SOX5: variants seen among roughly 807,000 people sequenced by gnomAD.
SOX5 encodes transcription factor SOX-5.
A neutral mutation model predicts 92.0 loss-of-function variants in SOX5; 9 were observed. The ratio of observed to expected loss-of-function variants is 0.10; its 90% confidence interval spans 0.06 to 0.17. SOX5 has a LOEUF of 0.17. Among genes scored for constraint, SOX5 ranks in the 10% least tolerant of loss-of-function variants. SOX5 has a pLI of 1.00. For missense variants in SOX5, 642 were observed against 944.5 expected (o/e 0.68, Z 4.20); for synonymous variants, 344 against 336.3 (o/e 1.02, Z -0.25).
chr12:23,962,221 AAC>A (rs869295566), intron 4 of SOX5, among the ~76,000 whole-genome samples: 2 of 134,698 alleles, frequency 1.5e-5, no homozygotes, highest in Non-Finnish European at 1.6e-5. Flanking sequence ...TTAAACAAAC[AAC>A]AAAAAAGACC....
At chr12:24,051,177 G>A (rs1309449803) in intron 4 of SOX5, among the ~76,000 whole-genome samples, 1 of 152,068 alleles carries the variant, frequency 6.6e-6, no homozygotes, top group East Asian at 1.9e-4. Context: ...CCAAATTCAA[G>A]GCACAGGTTG....
chr12:24,351,351 C>T (rs483684), intron 2 of SOX5, among the ~76,000 whole-genome samples: 50,970 of 152,042 alleles, frequency 0.34, 9,856 homozygotes, highest in East Asian at 0.78. Context: ...TGACCCAGAA[C>T]AGACACGTAA....
chr12:24,458,274 T>C (rs1218993573), intron 1 of SOX5, among the ~76,000 whole-genome samples: 2 of 152,226 alleles, frequency 1.3e-5, no homozygotes, highest in African/African-American at 4.8e-5. Flanking sequence ...CATTAATGCA[T>C]AAAATGATGA....
chr12:23,891,336 C>G (rs777285289), intron 2 of SOX5, among the ~76,000 whole-genome samples: 1 of 152,094 alleles, frequency 6.6e-6, no homozygotes, highest in African/African-American at 2.4e-5. Flanking sequence ...AACCTGAAAC[C>G]GAACAAAGCA....
At chr12:23,868,958 C>A (rs1169731196) in intron 2 of SOX5, among the ~76,000 whole-genome samples, 1 of 152,152 alleles carries the variant, frequency 6.6e-6, no homozygotes, top group East Asian at 1.9e-4. Flanking sequence ...CCCCCAGAAT[C>A]TGCCCTTCAT....
chr12:24,142,139 T>C (rs557662488), intron 4 of SOX5, among the ~76,000 whole-genome samples: 1 of 152,222 alleles, frequency 6.6e-6, no homozygotes, highest in African/African-American at 2.4e-5. Flanking sequence ...TCAACAGAGG[T>C]AGGTTTCCCC....
chr12:24,451,658 G>A (rs1263866253), intron 1 of SOX5, among the ~76,000 whole-genome samples: 1 of 152,136 alleles, frequency 6.6e-6, no homozygotes. Context: ...AAGAAGATGG[G>A]TTTTAGAAGT....
chr12:24,259,222 G>A (rs1362104936), intron 3 of SOX5, among the ~76,000 whole-genome samples: 4 of 152,230 alleles, frequency 2.6e-5, no homozygotes, highest in Admixed American at 6.5e-5. Flanking sequence ...GAAAGAGAGC[G>A]AGCGAGAGAG....
At chr12:24,177,751 AG>A (rs1259185286) in intron 4 of SOX5, among the ~76,000 whole-genome samples, 2 of 151,500 alleles carry the variant, frequency 1.3e-5, no homozygotes, top group African/African-American at 4.9e-5. Flanking sequence ...TAACACTCAC[AG>A]GGTCACTAGG....
At chr12:24,357,256 A>C (rs571048867) in intron 2 of SOX5, 18 of 152,304 alleles carry the variant, frequency 1.2e-4, no homozygotes, top group African/African-American at 4.3e-4. Context: ...AATATTTAAG[A>C]AATTTTTTTA....
At chr12:24,522,377 C>CA (rs1339743687) in intron 1 of SOX5, among the ~76,000 whole-genome samples, 1 of 151,466 alleles carries the variant, frequency 6.6e-6, no homozygotes, top group Non-Finnish European at 1.5e-5. Flanking sequence ...TAAACATTTC[C>CA]AAAAAATTGA....
intron 5 of SOX5, among the ~76,000 whole-genome samples, chr12:23,735,796 GTGTTTACTTCTA>G (rs1054283903): frequency 1.3e-5 from 2 of 152,202 alleles, no homozygotes; most frequent in African/African-American, 2.4e-5. Context: ...ACTGTTATTT[GTGTTTACTTCTA>G]CATTTACTTC....
chr12:24,376,117 A>G (rs540709862), intron 1 of SOX5, among the ~76,000 whole-genome samples: 1 of 152,348 alleles, frequency 6.6e-6, no homozygotes, highest in South Asian at 2.1e-4. Flanking sequence ...ACAATCTAAA[A>G]TCTAAAACTG....
chr12:24,444,884 T>C (rs1340808140), intron 1 of SOX5, among the ~76,000 whole-genome samples: 1 of 152,192 alleles, frequency 6.6e-6, no homozygotes, highest in East Asian at 1.9e-4. Context: ...GAGCCTTGCA[T>C]AAGCTATTGT....
At chr12:23,689,354 C>T (rs2088303818) in intron 6 of SOX5, among the ~76,000 whole-genome samples, 2 of 152,012 alleles carry the variant, frequency 1.3e-5, no homozygotes, top group African/African-American at 4.8e-5. Flanking sequence ...GATAGCTGCC[C>T]GCTGCTGAGC....
At chr12:24,482,680 G>C (rs1243547703) in intron 1 of SOX5, among the ~76,000 whole-genome samples, 1 of 152,100 alleles carries the variant, frequency 6.6e-6, no homozygotes, top group Non-Finnish European at 1.5e-5. Flanking sequence ...TATATTTCAG[G>C]ATAAGTCTTC....
chr12:24,059,278 A>C (rs192649708), intron 4 of SOX5, among the ~76,000 whole-genome samples: 2 of 152,276 alleles, frequency 1.3e-5, no homozygotes. Context: ...CAGCACTCTC[A>C]TCGCACCAAA....
intron 1 of SOX5, among the ~76,000 whole-genome samples, chr12:24,533,526 ATGT>A (rs1951372756): frequency 6.6e-6 from 1 of 152,222 alleles, no homozygotes; most frequent in Non-Finnish European, 1.5e-5. Flanking sequence ...TAAAGAAGGT[ATGT>A]TGTTTTCAAA....
At position 23,637,116 on chromosome 12, in the gene SOX5, T is replaced by A. The variant is rs374899030; in HGVS notation, c.1017+3696A>T. 1.4e-4 allele frequency among the ~76,000 whole-genome samples: 22 copies of A among 152,236 alleles called. 1 individual carries two copies. Among genetic ancestry groups the A allele is most frequent in the African/African-American group, 4.6e-4 (19 of 41,562 alleles). ...TGCACCCAAGGAAAAGAAAACAGGA[T>A]CCTTTTGTGTTTAAAATATATATCC... On this transcript the variant is annotated intron_variant, in intron 8 of 14. Coordinates refer to ENST00000451604, the MANE Select transcript of SOX5 (RefSeq NM_006940.6).
Sources: gnomAD v4.1 joint callset for allele counts (sites outside exome capture counted in the v4.1 genomes callset) on GRCh38, gnomAD v4.1.1 for gene constraint, MANE v1.5 for transcripts, NCBI Gene and HGNC (gene_info 2026-07-23, HGNC 2026-07-21) for gene names.